The following RARB variants were observed in gnomAD, a reference collection of about 807,000 sequenced individuals.
RARB encodes the protein retinoic acid receptor beta, also known as HBV-activated protein.
Under a neutral mutation model 51.9 loss-of-function variants are expected in RARB, and 17 were observed. That is an observed-to-expected ratio of 0.33 (90% CI 0.22 to 0.49). The LOEUF is 0.49. Ranked by LOEUF, RARB falls within the 20% of genes least tolerant of loss-of-function variation. The pLI is 0.99. For synonymous variants in RARB, 215 were observed against 195.4 expected, an observed-to-expected ratio of 1.10 and a Z score of -0.84; for missense variants, 369 against 550.8, an observed-to-expected ratio of 0.67 and a Z score of 3.30.
chr3:25,309,486 CTTTTTTTTTTT>C (rs149976069), intron 5 of RARB, among the ~76,000 whole-genome samples: 3,210 of 57,936 alleles, frequency 0.055, 108 homozygotes, highest in African/African-American at 0.16. Flanking sequence ...CTCATAGTTG[CTTTTTTTTTTT>C]TTTTTTTTTT....
intron 3 of RARB, among the ~76,000 whole-genome samples, chr3:25,097,445 C>T (rs1699317330): frequency 6.6e-6 from 1 of 152,062 alleles, no homozygotes; most frequent in African/African-American, 2.4e-5. Flanking sequence ...AAGGAAATTG[C>T]AGATATTTTC....
At chr3:24,851,183 C>A (rs2125336390) in intron 1 of RARB, among the ~76,000 whole-genome samples, 1 of 152,104 alleles carries the variant, frequency 6.6e-6, no homozygotes, top group South Asian at 2.1e-4. Context: ...GCCTGTAATC[C>A]CAGCACTTTG....
At chr3:25,477,761 A>G (rs1288248241) in intron 2 of RARB, among the ~76,000 whole-genome samples, 1 of 152,212 alleles carries the variant, frequency 6.6e-6, no homozygotes, top group Non-Finnish European at 1.5e-5. Flanking sequence ...ATTGCTGTAT[A>G]ACAAACCATC....
chr3:24,999,794 A>G lies in RARB; in HGVS notation c.-379-60331A>G, dbSNP rs1014902317. ...TGGTGGTATCCCACTCCCTCACTCT[A>G]TATCTTGCCTCTGTGGTATAAGTTT... On this transcript the variant is annotated intron_variant, in intron 2 of 11. Transcript: ENST00000383772. Among the ~76,000 whole-genome samples the G allele has an allele frequency of 1.9e-4, 29 of 152,224 alleles. 1 individual carries two copies. The highest frequency in any genetic ancestry group is 7.0e-4 in the African/African-American group (29 of 41,546).
At chr3:24,895,239 A>AAT (rs1449732452) in intron 2 of RARB, among the ~76,000 whole-genome samples, 2 of 152,228 alleles carry the variant, frequency 1.3e-5, no homozygotes, top group African/African-American at 4.8e-5. Flanking sequence ...TAATTCATTA[A>AAT]ATAGGTAGAC....
chr3:25,307,197 G>A (rs1167986928), intron 5 of RARB, among the ~76,000 whole-genome samples: 1 of 151,964 alleles, frequency 6.6e-6, no homozygotes, highest in African/African-American at 2.4e-5. Flanking sequence ...ACAACATAGT[G>A]AACATATGTG....
intron 2 of RARB, among the ~76,000 whole-genome samples, chr3:25,464,164 C>T (rs1161505696): frequency 6.6e-6 from 1 of 152,106 alleles, no homozygotes; most frequent in Non-Finnish European, 1.5e-5. Flanking sequence ...GTCCAGAAAT[C>T]TGAGTGAGGT....
At chr3:25,539,549 C>CT (rs1236004618) in intron 3 of RARB, among the ~76,000 whole-genome samples, 19 of 87,502 alleles carry the variant, frequency 2.2e-4, no homozygotes, top group South Asian at 4.0e-4. Flanking sequence ...TTTTTTTTTT[C>CT]TTTTTTTTGG....
intron 2 of RARB, among the ~76,000 whole-genome samples, chr3:24,940,918 C>T (rs1309501646): frequency 6.6e-6 from 1 of 152,024 alleles, no homozygotes; most frequent in Non-Finnish European, 1.5e-5. Context: ...AGAACTGGGA[C>T]CAGGGAGAGA....
intron 2 of RARB, among the ~76,000 whole-genome samples, chr3:24,899,872 G>C (rs1217802573): frequency 6.6e-6 from 1 of 151,898 alleles, no homozygotes; most frequent in Non-Finnish European, 1.5e-5. Flanking sequence ...TTTAACTTCA[G>C]TGAAAAATTT....
intron 5 of RARB, among the ~76,000 whole-genome samples, chr3:25,320,636 G>A (rs968208384): frequency 6.6e-6 from 1 of 152,076 alleles, no homozygotes; most frequent in Admixed American, 6.6e-5. Flanking sequence ...CTCATTTCTA[G>A]TACCAAAGTG....
chr3:24,986,670 T>C (rs868524330), intron 2 of RARB, among the ~76,000 whole-genome samples: 2 of 152,242 alleles, frequency 1.3e-5, no homozygotes, highest in Non-Finnish European at 1.5e-5. Flanking sequence ...AAAAACAATT[T>C]GTAGTTAATT....
chr3:25,420,011 T>A (rs1171475251), intron 5 of RARB, among the ~76,000 whole-genome samples: 1 of 152,132 alleles, frequency 6.6e-6, no homozygotes, highest in Admixed American at 6.6e-5. Context: ...AGAAGGTGGG[T>A]TTATACCCTG....
chr3:25,136,598 G>A (rs1449014126), intron 4 of RARB, among the ~76,000 whole-genome samples: 1 of 152,040 alleles, frequency 6.6e-6, no homozygotes, highest in Admixed American at 6.6e-5. Context: ...TGGTTGAAAT[G>A]GCCATAGAAA....
chr3:25,421,712 A>G (rs952439038), intron 5 of RARB, among the ~76,000 whole-genome samples: 4 of 152,038 alleles, frequency 2.6e-5, no homozygotes, highest in Non-Finnish European at 4.4e-5. Context: ...CCTTGCACTG[A>G]CATTTCCTAA....
intron 3 of RARB, among the ~76,000 whole-genome samples, chr3:25,553,349 G>A (rs1386939630): frequency 6.6e-6 from 1 of 152,156 alleles, no homozygotes; most frequent in African/African-American, 2.4e-5. Flanking sequence ...GGGGAGCAGA[G>A]AACTTTTCTT....
intron 2 of RARB, among the ~76,000 whole-genome samples, chr3:24,998,142 T>C (rs1211486652): frequency 1.2e-4 from 19 of 152,254 alleles, no homozygotes; most frequent in Admixed American, 1.2e-3. Context: ...TCCATTTCAA[T>C]ATTCATTTTA....
intron 1 of RARB, among the ~76,000 whole-genome samples, chr3:24,844,094 G>A (rs1445317693): frequency 6.6e-6 from 1 of 152,182 alleles, no homozygotes; most frequent in African/African-American, 2.4e-5. Context: ...TCTCCCATCT[G>A]TTCTGCAGAT....
chr3:25,591,492 C>A (rs1425649440), intron 5 of RARB, among the ~76,000 whole-genome samples: 1 of 152,142 alleles, frequency 6.6e-6, no homozygotes, highest in Non-Finnish European at 1.5e-5. Context: ...AATGAGGCAG[C>A]TGTGGAGCAA....
Sources: gnomAD v4.1 joint callset for allele counts (sites outside exome capture counted in the v4.1 genomes callset) on GRCh38, gnomAD v4.1.1 for gene constraint, MANE v1.5 for transcripts, NCBI Gene and HGNC (gene_info 2026-07-23, HGNC 2026-07-21) for gene names.